The following CARM1 variants were observed in gnomAD, a reference collection of about 807,000 sequenced individuals.
CARM1 encodes the protein coactivator associated arginine methyltransferase 1, also known as histone-arginine methyltransferase CARM1.
CARM1 carries 14 observed loss-of-function variants against 72.7 expected under a neutral mutation model. The observed-to-expected ratio is 0.19, with a 90% CI of 0.13 to 0.30. The LOEUF (loss-of-function observed/expected upper bound fraction) is 0.30. CARM1 is among the 10% of genes least tolerant of loss of function. The probability of loss-of-function intolerance (pLI) is 1.00; values close to 1 mark genes in which losing one functional copy is unlikely to be tolerated. For synonymous variants in CARM1, 333 were observed against 345.5 expected, an observed-to-expected ratio of 0.96 and a Z score of 0.40; for missense variants, 432 against 833.7, an observed-to-expected ratio of 0.52 and a Z score of 5.93.
rs1294026754 is a variant in CARM1, at chr19:10,871,883, C to T, written c.181C>T (p.Arg61Cys). ...AEQQALRLEV[R>C]AGPDSAGIAL... The stretch of plus-strand genomic sequence containing the variant: ...GCAGCAGGCGCTGCGCCTCGAGGTG[C>T]GCGCCGGCCCGGACTCGGCGGGCAT... The change falls in exon 1 of 16, where the codon CGC (arginine) becomes TGC (cysteine). Residue 61 changes from arginine to cysteine, a missense_variant. By Grantham distance (180) the Arg-to-Cys change is radical. Coordinates refer to ENST00000327064, the MANE Select transcript of CARM1 (RefSeq NM_199141.2). The surrounding 1 kb of genome is among the most constrained non-coding windows in gnomAD (Gnocchi z 5.6). The T allele has an allele frequency of 3.2e-6, 4 of 1,246,932 alleles. No individual in the cohort carries two copies. The highest frequency in any genetic ancestry group is 6.9e-5 in the East Asian group (2 of 28,818). The allele number at this position is 1,246,932 out of a possible 1,614,324, so 77.2% of individuals were successfully genotyped here. A position where few individuals can be genotyped will look rare whatever the true frequency, so the allele number is the denominator to read the frequency against.
At chr19:10,919,428 C>T (rs2074222806) in intron 8 of CARM1, 167 bp from the exon 9 acceptor site, 11 of 597,722 alleles carry the variant, frequency 1.8e-5, no homozygotes, top group South Asian at 4.1e-5. Context: ...TGATTGCCCT[C>T]GGTGGCGTTG....
chr19:10,903,176 A>G (rs976894724), intron 1 of CARM1, among the ~76,000 whole-genome samples: 1 of 152,214 alleles, frequency 6.6e-6, no homozygotes, highest in East Asian at 1.9e-4. Context: ...GAGGATAAGT[A>G]TAAGGGTTTA....
At chr19:10,903,856 C>G (rs539773714) in intron 1 of CARM1, among the ~76,000 whole-genome samples, 1 of 152,264 alleles carries the variant, frequency 6.6e-6, no homozygotes, top group East Asian at 1.9e-4. Context: ...GCGCATGCCA[C>G]CATGCCTGCC....
rs145939638 is a variant in CARM1 at position 10,913,924 on chromosome 19, G to C, written c.717G>C (p.Pro239=). 8.1e-6 allele frequency: 13 copies of C among 1,613,672 alleles called. No homozygotes were observed. In the Admixed American group the frequency reaches 8.3e-5, roughly 10 times the overall value. ...NNLTDRIVVI[P]GKVEEVSLPE... is the part of the protein sequence containing the mutation. ...TGACGGACCGCATCGTGGTCATCCCGGGCAAGGTGGAGGAGGTGTCACTCC... is the reference window on the plus strand; with the variant it reads ...TGACGGACCGCATCGTGGTCATCCCCGGCAAGGTGGAGGAGGTGTCACTCC... Residue 239 remains proline (P), a synonymous_variant, in exon 6 of 16, where the codon CCG becomes CCC. Coordinates refer to ENST00000327064, the MANE Select transcript of CARM1 (RefSeq NM_199141.2).
At chr19:10,874,119 A>G (rs777279634) in intron 1 of CARM1, among the ~76,000 whole-genome samples, 13 of 152,036 alleles carry the variant, frequency 8.6e-5, no homozygotes, top group Non-Finnish European at 1.8e-4. Flanking sequence ...TAACTGAAAC[A>G]TTTTTTATTA....
At position 10,890,759 on chromosome 19, in the gene CARM1, A is replaced by G. The variant is rs1457229325; in HGVS notation, c.221-14192A>G. Among the ~76,000 whole-genome samples the G allele has an allele frequency of 1.3e-4, 17 of 131,602 alleles. No homozygotes were observed. In the South Asian group the frequency reaches 3.9e-3, roughly 30 times the overall value. The allele number at this position is 131,602 out of a possible 152,430, so 86.3% of individuals were successfully genotyped here. On this transcript the variant is annotated intron_variant, in intron 1 of 15. Transcript: ENST00000327064. Reference sequence around the variant, plus strand: ...TATATACACATGCATATACACACACACATATACACACACACATATATATAT... The same window carrying G: ...TATATACACATGCATATACACACACGCATATACACACACACATATATATAT...
intron 1 of CARM1, 119 bp downstream of exon 1, chr19:10,872,041 G>A (rs2073822987): frequency 6.9e-6 from 6 of 864,060 alleles, no homozygotes; most frequent in Non-Finnish European, 8.9e-6. Flanking sequence ...CCCCGGGACT[G>A]AGCCGGTGGC....
At position 10,917,346 on chromosome 19, in the gene CARM1, G is replaced by A. The variant is rs919844772; in HGVS notation, c.1020+569G>A. ...CAAAAAATTAGCCAGACGTGGTGGC[G>A]GGCGCCTGTAGTCCCAGCTACTCAG... On this transcript the variant is annotated intron_variant, in intron 8 of 15. Coordinates refer to ENST00000327064, the MANE Select transcript of CARM1 (RefSeq NM_199141.2). Among the ~76,000 whole-genome samples, 7 of 152,046 alleles carry A rather than the reference G, an allele frequency of 4.6e-5. No individual in the cohort carries two copies. The East Asian group carries it at 5.8e-4, about 13-fold the overall frequency.
At chr19:10,905,839 C>A (rs1194991131) in intron 2 of CARM1, among the ~76,000 whole-genome samples, 3 of 151,936 alleles carry the variant, frequency 2.0e-5, no homozygotes. Context: ...TGGGTTTTCA[C>A]TGTGTTGCCC....
chr19:10,881,495 G>A (rs927018259), intron 1 of CARM1, among the ~76,000 whole-genome samples: 1 of 152,194 alleles, frequency 6.6e-6, no homozygotes, highest in East Asian at 1.9e-4. Flanking sequence ...TGAAAGGGCA[G>A]GAAGGAGAGG....
chr19:10,880,513 A>AT lies in CARM1; in HGVS notation c.220+8612dup, dbSNP rs34015668. ...AGGCGCACATCACCATGCCTGGCTA[A>AT]TTTTTTTTTTTTTTTTTTTTTGTAG... On this transcript the variant is annotated intron_variant, in intron 1 of 15. Transcript: ENST00000327064. 9.6e-3 allele frequency among the ~76,000 whole-genome samples: 1,310 copies of AT among 136,256 alleles called. 16 individuals are homozygous for AT. The highest frequency in any genetic ancestry group is 0.03 in the East Asian group (125 of 4,100). The allele number at this position is 136,256 out of a possible 152,430, so 89.4% of individuals were successfully genotyped here.
chr19:10,886,547 G>T (rs891190832), intron 1 of CARM1, among the ~76,000 whole-genome samples: 8 of 150,612 alleles, frequency 5.3e-5, no homozygotes, highest in Non-Finnish European at 1.2e-4. Context: ...AGAGATGGGG[G>T]CTGGGTGCGG....
Position 10,922,936 on chromosome 19 carries a change from G to T in CARM1, c.*1179G>T, listed in dbSNP as rs2074283886. 4 of 198,098 alleles carry T rather than the reference G, an allele frequency of 2.0e-5. No individual in the cohort carries two copies. The South Asian group carries it at 2.9e-4, about 14-fold the overall frequency. The allele number at this position is 198,098 out of a possible 1,614,324, so 12.3% of individuals were successfully genotyped here. A position where few individuals can be genotyped will look rare whatever the true frequency, so the allele number is the denominator to read the frequency against. ...CCTGTTCCAGGGGAGCCATAGGAGG[G>T]AAAGCAGGTGGCCCGGGGGGGATAT... On this transcript the variant is annotated 3_prime_UTR_variant, in exon 16 of 16. Transcript: ENST00000327064.
chr19:10,883,166 C>G (rs137914015), intron 1 of CARM1, among the ~76,000 whole-genome samples: 1 of 152,314 alleles, frequency 6.6e-6, no homozygotes, highest in East Asian at 1.9e-4. Context: ...GTGGTTCTCC[C>G]TCCAGTTTCC....
intron 8 of CARM1, among the ~76,000 whole-genome samples, chr19:10,917,456 G>A (rs975284344): frequency 5.9e-5 from 9 of 151,906 alleles, no homozygotes; most frequent in Non-Finnish European, 1.0e-4. Context: ...CAGCCTGGGC[G>A]ACAGAGTGAG....
intron 13 of CARM1, 49 bp from the exon 14 acceptor site, chr19:10,921,001 G>C: frequency 6.2e-7 from 1 of 1,612,850 alleles, no homozygotes; most frequent in Non-Finnish European, 8.5e-7. Flanking sequence ...CCTCGCCGCA[G>C]GCCTGGCCCC....
At position 10,873,633 on chromosome 19, in the gene CARM1, T is replaced by TAG. The variant is rs2073838189; in HGVS notation, c.220+1711_220+1712insAG. On this transcript the variant is annotated intron_variant, in intron 1 of 15. Coordinates refer to ENST00000327064, the MANE Select transcript of CARM1 (RefSeq NM_199141.2). ...GAACAATTTTAGTTTAGTTTTTTTT[T>TAG]TTTTTTTTTTTTTTTTTTTTTTTTG... Among the ~76,000 whole-genome samples, 5 of 114,722 alleles carry TAG rather than the reference T, an allele frequency of 4.4e-5. No individual in the cohort carries two copies. The South Asian group carries it at 1.7e-3, about 40-fold the overall frequency. 75.3% of individuals were successfully genotyped at this position (114,722 alleles called of 152,430 possible). A position where few individuals can be genotyped will look rare whatever the true frequency, so the allele number is the denominator to read the frequency against.
In CARM1 at chr19:10,871,886, G is replaced by A; in HGVS notation, c.184G>A (p.Ala62Thr). ...GCAGGCGCTGCGCCTCGAGGTGCGC[G>A]CCGGCCCGGACTCGGCGGGCATCGC... ...EQQALRLEVR[A>T]GPDSAGIALY... The change falls in exon 1 of 16, where the codon GCC (alanine) becomes ACC (threonine). Residue 62 changes from alanine to threonine, a missense_variant. Ala to Thr is a moderately conservative substitution (Grantham distance 58). This residue lies in a region of CARM1 where 138 missense variants were observed against 192.3 expected (regional missense o/e 0.72). Transcript: ENST00000327064. This position sits in a 1 kb window ranked among gnomAD's most constrained non-coding sequence, Gnocchi z 5.6. 1 of 1,246,500 alleles carries A rather than the reference G, an allele frequency of 8.0e-7. No homozygotes were observed. Among genetic ancestry groups the A allele is most frequent in the Non-Finnish European group, 1.0e-6 (1 of 991,400 alleles). 77.2% of individuals were successfully genotyped at this position (1,246,500 alleles called of 1,614,324 possible). A position where few individuals can be genotyped will look rare whatever the true frequency, so the allele number is the denominator to read the frequency against.
chr19:10,921,161 G>A lies in CARM1; in HGVS notation c.1615+34G>A, dbSNP rs746100787. 23 of 1,598,794 alleles carry A rather than the reference G, an allele frequency of 1.4e-5. 1 individual carries two copies. In the South Asian group the frequency reaches 2.0e-4, roughly 14 times the overall value. ...CCCCCAGGGCCAGGGGCAGCAGGGAGCCATGCCCAGGACTGCCCAGGGGCC... is the reference window on the plus strand; with the variant it reads ...CCCCCAGGGCCAGGGGCAGCAGGGAACCATGCCCAGGACTGCCCAGGGGCC... On this transcript the variant is annotated intron_variant, in intron 14 of 15. Coordinates refer to ENST00000327064, the MANE Select transcript of CARM1 (RefSeq NM_199141.2).
Sources: gnomAD v4.1 joint callset for allele counts (sites outside exome capture counted in the v4.1 genomes callset) on GRCh38, gnomAD v4.1.1 for gene constraint, gnomAD v4.1.1 regional missense constraint, Gnocchi (gnomAD v3.1) non-coding constraint, MANE v1.5 for transcripts, NCBI Gene and HGNC (gene_info 2026-07-23, HGNC 2026-07-21) for gene names.